The following GRAMD2B variants were observed in gnomAD, a reference collection of about 807,000 sequenced individuals.
GRAMD2B encodes the protein GRAM domain-containing protein 2B.
In GRAMD2B, 41 loss-of-function variants were observed where a neutral mutation model predicts 59.2. That is an observed-to-expected ratio of 0.69 (90% CI 0.54 to 0.90). GRAMD2B has a LOEUF of 0.90. Ranked by LOEUF, GRAMD2B falls within the 40% of genes least tolerant of loss-of-function variation. The pLI is 0.00. For synonymous variants in GRAMD2B, 161 were observed against 182.7 expected (o/e 0.88, Z 0.96); for missense variants, 424 against 500.5 (o/e 0.85, Z 1.46).
At chr5:126,363,108 T>C (rs187250919) in intron 1 of GRAMD2B, among the ~76,000 whole-genome samples, 1 of 152,106 alleles carries the variant, frequency 6.6e-6, no homozygotes, top group African/African-American at 2.4e-5. Context: ...ATATAAAGCA[T>C]ACGAGTCAAT....
intron 1 of GRAMD2B, among the ~76,000 whole-genome samples, chr5:126,387,469 G>A (rs939005550): frequency 2.0e-5 from 3 of 151,632 alleles, no homozygotes; most frequent in Non-Finnish European, 4.4e-5. Context: ...TAAGAATAAA[G>A]ACACTAAGAG....
chr5:126,421,224 A>G (rs1004907270), upstream of GRAMD2B, among the ~76,000 whole-genome samples: 2 of 152,262 alleles, frequency 1.3e-5, no homozygotes, highest in Non-Finnish European at 2.9e-5. Flanking sequence ...TTATACACTT[A>G]TTAAAATGAT....
intron 13 of GRAMD2B, among the ~76,000 whole-genome samples, chr5:126,489,328 G>A (rs1179332509): frequency 6.6e-6 from 1 of 152,186 alleles, no homozygotes; most frequent in Non-Finnish European, 1.5e-5. Flanking sequence ...TTAGAACCAT[G>A]GAAGATAGAC....
At chr5:126,450,590 C>T (rs1484194722) in intron 1 of GRAMD2B, among the ~76,000 whole-genome samples, 1 of 148,112 alleles carries the variant, frequency 6.8e-6, no homozygotes, top group African/African-American at 2.5e-5. Flanking sequence ...ACCTGGCCTT[C>T]ATTCATTCTC....
intron 1 of GRAMD2B, among the ~76,000 whole-genome samples, chr5:126,433,344 T>G (rs886435254): frequency 7.2e-5 from 11 of 152,216 alleles, no homozygotes; most frequent in Non-Finnish European, 1.3e-4. Context: ...CAGTCTAAAC[T>G]GAACCAGCTT....
chr5:126,419,130 C>A (rs1368099994), upstream of GRAMD2B, among the ~76,000 whole-genome samples: 1 of 152,068 alleles, frequency 6.6e-6, no homozygotes, highest in Non-Finnish European at 1.5e-5. Context: ...GTGTATTAGT[C>A]GATTCTCACA....
chr5:126,373,560 G>T, intron 1 of GRAMD2B, among the ~76,000 whole-genome samples: 1 of 152,216 alleles, frequency 6.6e-6, no homozygotes, highest in East Asian at 1.9e-4. Flanking sequence ...TTACAATCAT[G>T]AGTGAGATAG....
chr5:126,474,492 T>A (rs1247928346), intron 5 of GRAMD2B, among the ~76,000 whole-genome samples: 1 of 152,204 alleles, frequency 6.6e-6, no homozygotes. Context: ...TGAATCAGTA[T>A]AATACAAAGC....
chr5:126,422,196 C>T (rs116223981), upstream of GRAMD2B, among the ~76,000 whole-genome samples: 1,139 of 119,370 alleles, frequency 9.5e-3, 16 homozygotes, highest in African/African-American at 0.034. Flanking sequence ...CATTTATGCA[C>T]GGATTTTTTT....
upstream of GRAMD2B, among the ~76,000 whole-genome samples, chr5:126,368,647 T>C (rs1386565708): frequency 1.3e-5 from 2 of 152,320 alleles, no homozygotes; most frequent in South Asian, 4.1e-4. Flanking sequence ...CACTCTCTGC[T>C]GGCTTCTGTC....
At chr5:126,369,815 A>G (rs192624194), upstream of GRAMD2B, among the ~76,000 whole-genome samples, 35 of 152,366 alleles carry the variant, frequency 2.3e-4, no homozygotes, top group East Asian at 5.2e-3. Context: ...GTAACAGACT[A>G]CATTTCACTG....
At chr5:126,400,240 T>C (rs903839995) in intron 1 of GRAMD2B, among the ~76,000 whole-genome samples, 4 of 152,074 alleles carry the variant, frequency 2.6e-5, no homozygotes, top group Admixed American at 6.6e-5. Context: ...AGATTTTAAA[T>C]CTAAACTTCA....
chr5:126,414,217 T>C, intron 1 of GRAMD2B, among the ~76,000 whole-genome samples: 1 of 152,172 alleles, frequency 6.6e-6, no homozygotes, highest in Non-Finnish European at 1.5e-5. Context: ...ACTGCAAATT[T>C]ATACAATATT....
intron 1 of GRAMD2B, among the ~76,000 whole-genome samples, chr5:126,426,642 AAGT>A (rs1760667246): frequency 6.6e-6 from 1 of 152,186 alleles, no homozygotes. Flanking sequence ...AGTCACTTTC[AAGT>A]ACCATCTGTT....
In GRAMD2B at chr5:126,407,593, C is replaced by T. The variant is rs539463271; in HGVS notation, c.125+36026C>T. Among the ~76,000 whole-genome samples the T allele has an allele frequency of 5.3e-5, 8 of 152,024 alleles. No homozygotes were observed. The South Asian group carries it at 1.7e-3, about 32-fold the overall frequency. ...TAAAAATGGCTCTGATCTAAATATA[C>T]AGGCTTAACTTCTGACAAGGATTCA... On this transcript the variant is annotated intron_variant, in intron 1 of 8. Transcript: ENST00000506445.
intron 6 of GRAMD2B, among the ~76,000 whole-genome samples, chr5:126,478,081 A>G (rs947997951): frequency 1.3e-5 from 2 of 149,258 alleles, no homozygotes; most frequent in Non-Finnish European, 3.0e-5. Flanking sequence ...TTCTTTCTCA[A>G]CTTCTGCTAG....
chr5:126,477,301 C>T (rs1199185863), intron 5 of GRAMD2B, among the ~76,000 whole-genome samples: 3 of 152,218 alleles, frequency 2.0e-5, no homozygotes, highest in African/African-American at 7.2e-5. Flanking sequence ...TTTTAACATG[C>T]ACCTAGAGAC....
chr5:126,416,973 G>A (rs1025404931), intron 1 of GRAMD2B, among the ~76,000 whole-genome samples: 3 of 152,208 alleles, frequency 2.0e-5, no homozygotes, highest in African/African-American at 7.2e-5. Context: ...TAGAATGTCA[G>A]AGCCACAACA....
Position 126,392,821 on chromosome 5 carries a change from C to T in GRAMD2B, c.125+21254C>T, listed in dbSNP as rs535239397. ...CTCATAAGGAGCACTGACCCTAGATCTCTCGCATGTGCAGTTCGCAATAGG... is the reference window on the plus strand; with the variant it reads ...CTCATAAGGAGCACTGACCCTAGATTTCTCGCATGTGCAGTTCGCAATAGG... On this transcript the variant is annotated intron_variant, in intron 1 of 8. Coordinates refer to the GRAMD2B transcript ENST00000506445. Among the ~76,000 whole-genome samples, 155 of 152,258 alleles carry T rather than the reference C, an allele frequency of 1.0e-3. 1 individual carries two copies. Among genetic ancestry groups the T allele is most frequent in the African/African-American group, 3.6e-3 (148 of 41,548 alleles).
Sources: gnomAD v4.1 joint callset for allele counts (sites outside exome capture counted in the v4.1 genomes callset) on GRCh38, gnomAD v4.1.1 for gene constraint, MANE v1.5 for transcripts, NCBI Gene and HGNC (gene_info 2026-07-23, HGNC 2026-07-21) for gene names.